The following AGBL4 variants were observed in gnomAD, a reference collection of about 807,000 sequenced individuals.
AGBL4 encodes the protein cytosolic carboxypeptidase 6.
AGBL4 carries 58 observed loss-of-function variants against 66.4 expected under a neutral mutation model. The observed-to-expected ratio is 0.87, with a 90% CI of 0.71 to 1.09. The LOEUF is 1.09. Ranked by LOEUF, AGBL4 falls within the 50% of genes least tolerant of loss-of-function variation. The pLI is 0.00. For missense variants in AGBL4, 579 were observed against 631.0 expected, an observed-to-expected ratio of 0.92 and a Z score of 0.88; for synonymous variants, 234 against 222.9, an observed-to-expected ratio of 1.05 and a Z score of -0.44.
At chr1:49,718,593 A>G (rs895225743) in intron 2 of AGBL4, among the ~76,000 whole-genome samples, 7 of 152,076 alleles carry the variant, frequency 4.6e-5, no homozygotes, top group African/African-American at 1.7e-4. Flanking sequence ...GTGAAAATTA[A>G]TTTTTCTGTT....
chr1:49,859,361 A>G lies in AGBL4; in HGVS notation c.35-7843T>C, dbSNP rs180798741. 2.3e-4 allele frequency among the ~76,000 whole-genome samples: 35 copies of G among 152,344 alleles called. No homozygotes were observed. The East Asian group carries it at 5.6e-3, about 24-fold the overall frequency. On this transcript the variant is annotated intron_variant, in intron 1 of 13. Transcript: ENST00000371839. ...AGCAAAGTATTAGCAAATCAAATCC[A>G]TCAGTCTGAGGAAAGTATATCATGA...
At chr1:49,385,088 T>G (rs1052555158) in intron 3 of AGBL4, among the ~76,000 whole-genome samples, 1 of 152,176 alleles carries the variant, frequency 6.6e-6, no homozygotes. Flanking sequence ...TTCTCTTATA[T>G]GAGGTCTCTA....
chr1:48,865,839 T>C (rs572503031), intron 6 of AGBL4, among the ~76,000 whole-genome samples: 37 of 152,228 alleles, frequency 2.4e-4, no homozygotes, highest in African/African-American at 8.7e-4. Context: ...TTAAAAGCAA[T>C]TAAACTGTAT....
At chr1:49,415,370 T>A (rs1645405660) in intron 3 of AGBL4, among the ~76,000 whole-genome samples, 1 of 152,136 alleles carries the variant, frequency 6.6e-6, no homozygotes, top group African/African-American at 2.4e-5. Context: ...AAATAGTAAG[T>A]ATGCTCTGAG....
intron 5 of AGBL4, among the ~76,000 whole-genome samples, chr1:48,908,031 C>T (rs1652778345): frequency 6.6e-6 from 1 of 152,120 alleles, no homozygotes; most frequent in East Asian, 1.9e-4. Flanking sequence ...TCAAAATTTT[C>T]TTGTGATACT....
chr1:48,664,300 G>T (rs1374468507), intron 6 of AGBL4, among the ~76,000 whole-genome samples: 3 of 152,144 alleles, frequency 2.0e-5, no homozygotes, highest in African/African-American at 7.2e-5. Flanking sequence ...GACTCCCCAT[G>T]ATGTCAGGAA....
chr1:48,624,971 G>A (rs944313468), intron 9 of AGBL4, among the ~76,000 whole-genome samples: 5 of 151,738 alleles, frequency 3.3e-5, no homozygotes, highest in African/African-American at 1.2e-4. Context: ...GCAATGGCGC[G>A]ATCATAGCTC....
intron 3 of AGBL4, among the ~76,000 whole-genome samples, chr1:49,412,127 T>C (rs1645328607): frequency 1.3e-5 from 2 of 152,164 alleles, no homozygotes; most frequent in African/African-American, 4.8e-5. Flanking sequence ...GAAAATAAAA[T>C]GAATGCTTCT....
chr1:49,928,274 C>T (rs1269594455), intron 1 of AGBL4, among the ~76,000 whole-genome samples: 1 of 151,768 alleles, frequency 6.6e-6, no homozygotes, highest in African/African-American at 2.4e-5. Context: ...TTTTTTGAGA[C>T]GGAGTCTCAC....
intron 5 of AGBL4, among the ~76,000 whole-genome samples, chr1:48,986,764 A>G (rs1044252020): frequency 6.6e-6 from 1 of 152,126 alleles, no homozygotes; most frequent in Non-Finnish European, 1.5e-5. Context: ...GAAACAATAC[A>G]TAAGAATATG....
At chr1:48,899,687 T>C (rs1228779810) in intron 5 of AGBL4, among the ~76,000 whole-genome samples, 2 of 152,180 alleles carry the variant, frequency 1.3e-5, no homozygotes, top group African/African-American at 2.4e-5. Context: ...CACACTGATA[T>C]GAAACAAAAT....
chr1:49,739,038 G>T (rs983223936), intron 2 of AGBL4, among the ~76,000 whole-genome samples: 3 of 152,172 alleles, frequency 2.0e-5, no homozygotes, highest in Non-Finnish European at 4.4e-5. Context: ...ACCAACAATG[G>T]AACAAAGCTG....
At chr1:49,361,491 A>G (rs913245212) in intron 3 of AGBL4, among the ~76,000 whole-genome samples, 5 of 151,862 alleles carry the variant, frequency 3.3e-5, no homozygotes, top group African/African-American at 1.2e-4. Context: ...TGCCCATCTA[A>G]TTTTTTTGCA....
chr1:49,614,314 C>G (rs1173168123), intron 3 of AGBL4, among the ~76,000 whole-genome samples: 1 of 151,996 alleles, frequency 6.6e-6, no homozygotes, highest in Non-Finnish European at 1.5e-5. Context: ...GGTATATACT[C>G]TTTTTTTCTG....
chr1:49,823,829 C>T (rs1645434738), intron 2 of AGBL4, among the ~76,000 whole-genome samples: 1 of 151,116 alleles, frequency 6.6e-6, no homozygotes, highest in African/African-American at 2.4e-5. Flanking sequence ...CACAGAAACA[C>T]ACAGTACTGT....
chr1:49,778,124 T>C (rs1427906539), intron 2 of AGBL4, among the ~76,000 whole-genome samples: 1 of 152,134 alleles, frequency 6.6e-6, no homozygotes, highest in Non-Finnish European at 1.5e-5. Flanking sequence ...CCATCCTCCA[T>C]CCATCCTCCA....
At chr1:49,647,473 T>C (rs969276441) in intron 3 of AGBL4, among the ~76,000 whole-genome samples, 1 of 152,026 alleles carries the variant, frequency 6.6e-6, no homozygotes, top group East Asian at 1.9e-4. Context: ...TGCTGGAGAA[T>C]TGGTTTGGAC....
chr1:48,690,745 T>C (rs1646616720), intron 6 of AGBL4, among the ~76,000 whole-genome samples: 1 of 152,166 alleles, frequency 6.6e-6, no homozygotes, highest in Middle Eastern at 3.2e-3. Context: ...AGCAAAGGGC[T>C]TAAAGCCAGA....
At chr1:49,712,155 T>C (rs977809887) in intron 2 of AGBL4, among the ~76,000 whole-genome samples, 8 of 151,962 alleles carry the variant, frequency 5.3e-5, no homozygotes, top group Non-Finnish European at 1.0e-4. Context: ...GTTAATAATA[T>C]GGTACAATAT....
Sources: allele counts gnomAD v4.1 joint callset (sites outside exome capture counted in the v4.1 genomes callset), GRCh38; gene constraint gnomAD v4.1.1; transcripts MANE v1.5; gene names NCBI Gene and HGNC (gene_info 2026-07-23, HGNC 2026-07-21).